Variants in FRS3 observed in about 807,000 individuals in gnomAD.
The protein encoded by FRS3 is FGFR substrate 3.
A neutral mutation model predicts 41.9 loss-of-function variants in FRS3; 17 were observed. That is an observed-to-expected ratio of 0.41 (90% CI 0.28 to 0.61). FRS3 has a LOEUF of 0.61. FRS3 is among the 20% of genes least tolerant of loss of function. The probability of loss-of-function intolerance (pLI) is 0.36; values close to 1 mark genes in which losing one functional copy is unlikely to be tolerated. For missense variants in FRS3, 619 were observed against 672.1 expected, an observed-to-expected ratio of 0.92 and a Z score of 0.87; for synonymous variants, 287 against 274.5, an observed-to-expected ratio of 1.05 and a Z score of -0.45.
chr6:41,770,774 G>C lies in FRS3; in HGVS notation c.1324C>G (p.Pro442Ala). Residue 442 changes from proline (P) to alanine (A), a missense_variant, in exon 7 of 7, where the codon CCC becomes GCC. Pro to Ala is a conservative substitution (Grantham distance 27). This residue lies in a region of FRS3 where 487 missense variants were observed against 478.3 expected (regional missense o/e 1.02). Coordinates refer to ENST00000373018, the MANE Select transcript of FRS3 (RefSeq NM_006653.5). ...GPQNPSSPQAPMPTTHPARSS... is the reference protein window; with the variant it reads ...GPQNPSSPQAAMPTTHPARSS... ...CGGGCAGGGTGGGTGGTGGGCATGG[G>C]GGCTTGGGGGCTCGAGGGGTTCTGG... The C allele has an allele frequency of 6.2e-7, 1 of 1,612,966 alleles. No individual in the cohort carries two copies. Among genetic ancestry groups the C allele is most frequent in the Non-Finnish European group, 8.5e-7 (1 of 1,179,672 alleles).
Position 41,770,784 on chromosome 6 carries a change from G to C in FRS3, c.1314C>G (p.Ser438Arg). 1 of 1,611,616 alleles carries C rather than the reference G, an allele frequency of 6.2e-7. No individual in the cohort carries two copies. The highest frequency in any genetic ancestry group is 1.3e-5 in the African/African-American group (1 of 74,942). ...GGGTGGTGGGCATGGGGGCTTGGGG[G>C]CTCGAGGGGTTCTGGGGCCCCTTAG... ...DRPKGPQNPS[S>R]PQAPMPTTHP... The change falls in exon 7 of 7, where the codon AGC becomes AGG. Residue 438 changes from serine (S) to arginine (R), a missense_variant. By Grantham distance (110) the Ser-to-Arg change is moderately radical. Transcript: ENST00000373018.
At chr6:41,772,428 T>C (rs1202523691) in intron 5 of FRS3, among the ~76,000 whole-genome samples, 1 of 152,178 alleles carries the variant, frequency 6.6e-6, no homozygotes, top group African/African-American at 2.4e-5. Context: ...CTCTCCAGAA[T>C]ACGGTCATGG....
intron 4 of FRS3, among the ~76,000 whole-genome samples, chr6:41,774,278 TCCC>T (rs1772367389): frequency 6.6e-6 from 1 of 151,718 alleles, no homozygotes; most frequent in African/African-American, 2.4e-5. Flanking sequence ...CTCACATGCT[TCCC>T]CCATCTTCCT....
chr6:41,777,309 G>A (rs1284592504), intron 2 of FRS3, among the ~76,000 whole-genome samples: 1 of 152,212 alleles, frequency 6.6e-6, no homozygotes, highest in African/African-American at 2.4e-5. Flanking sequence ...CCCATGTAAT[G>A]ACAAGGAAGG....
In FRS3 at chr6:41,771,980, A is replaced by G; in HGVS notation, c.416-16T>C. 6.6e-7 allele frequency: 1 copy of G among 1,526,400 alleles called. No individual in the cohort carries two copies. The highest frequency in any genetic ancestry group is 8.8e-7 in the Non-Finnish European group (1 of 1,131,512). The allele number at this position is 1,526,400 out of a possible 1,614,324, so 94.6% of individuals were successfully genotyped here. On this transcript the variant is annotated splice_polypyrimidine_tract_variant and intron_variant, in intron 5 of 6. Coordinates refer to ENST00000373018, the MANE Select transcript of FRS3 (RefSeq NM_006653.5). ...TAGCCTAGAGCTGAGCACACGGGAGACAAGCCCAGGAGAGGGGAACTTAAG... is the reference window on the plus strand; with the variant it reads ...TAGCCTAGAGCTGAGCACACGGGAGGCAAGCCCAGGAGAGGGGAACTTAAG...
chr6:41,772,779 T>TGTGTGTG lies in FRS3; in HGVS notation c.415+18_415+19insCACACAC. The TGTGTGTG allele has an allele frequency of 1.3e-6, 2 of 1,581,864 alleles. No homozygotes were observed. The highest frequency in any genetic ancestry group is 1.4e-5 in the African/African-American group (1 of 73,620). On this transcript the variant is annotated intron_variant, in intron 5 of 6. Coordinates refer to ENST00000373018, the MANE Select transcript of FRS3 (RefSeq NM_006653.5). ...GTGTGTGTGTGTGTGTGTGTGTGTGTACACTGGGGTCTCCTCACCATTGGG... is the reference window on the plus strand; with the variant it reads ...GTGTGTGTGTGTGTGTGTGTGTGTGTGTGTGTGACACTGGGGTCTCCTCACCATTGGG...
At chr6:41,776,253 T>A (rs1169270212) in intron 3 of FRS3, among the ~76,000 whole-genome samples, 1 of 152,208 alleles carries the variant, frequency 6.6e-6, no homozygotes, top group Non-Finnish European at 1.5e-5. Flanking sequence ...CTAAGCACTA[T>A]TTAATTTATT....
At chr6:41,776,117 C>A (rs919775334) in intron 3 of FRS3, among the ~76,000 whole-genome samples, 1 of 152,158 alleles carries the variant, frequency 6.6e-6, no homozygotes, top group Non-Finnish European at 1.5e-5. Context: ...CTTCAACATG[C>A]CCCAGAATGA....
chr6:41,771,199 C>T lies in FRS3; in HGVS notation c.899G>A (p.Trp300Ter). 2.6e-6 allele frequency: 4 copies of T among 1,560,804 alleles called. No homozygotes were observed. Among genetic ancestry groups the T allele is most frequent in the Non-Finnish European group, 3.5e-6 (4 of 1,149,968 alleles). Residue 300 changes from tryptophan to a stop codon, truncating the protein, a stop_gained, in exon 7 of 7, where the codon TGG (tryptophan) becomes TAG (stop). Coordinates refer to ENST00000373018, the MANE Select transcript of FRS3 (RefSeq NM_006653.5). LOFTEE classifies it high-confidence loss of function. ...VTGGLWRGAGWRLSPEEPGWN... is the reference protein window; with the variant it reads ...VTGGLWRGAG ...GCCCGGCTCCTCTGGGCTCAGTCTC[C>T]AGCCAGCCCCTCGCCACAGCCCCCC...
chr6:41,777,148 G>T (rs796367429), intron 2 of FRS3, 138 bp from the exon 3 acceptor site: 21 of 635,164 alleles, frequency 3.3e-5, no homozygotes, highest in African/African-American at 2.2e-4. Context: ...CCCCCTCAAA[G>T]ACTTCACATT....
Position 41,778,118 on chromosome 6 carries a change from A to C in FRS3, c.-109T>G, listed in dbSNP as rs752664280. 1 of 152,664 alleles carries C rather than the reference A, an allele frequency of 6.6e-6. No homozygotes were observed. Among genetic ancestry groups the C allele is most frequent in the African/African-American group, 2.4e-5 (1 of 41,444 alleles). 9.5% of individuals were successfully genotyped at this position (152,664 alleles called of 1,614,324 possible). A position where few individuals can be genotyped will look rare whatever the true frequency, so the allele number is the denominator to read the frequency against. The stretch of plus-strand genomic sequence containing the variant: ...TTCCCCCCGTCCTTGGTGGGCTGTC[A>C]TGGCAAACAGTCTGCAGAGAAGTCA... On this transcript the variant is annotated 5_prime_UTR_variant, in exon 2 of 7. It removes an upstream start codon present in the reference 5' UTR. Transcript: ENST00000373018.
In FRS3 at chr6:41,771,872, G is replaced by A. The variant is rs113605542; in HGVS notation, c.508C>T (p.Arg170Trp). Residue 170 changes from arginine (R) to tryptophan (W), a missense_variant, in exon 6 of 7, where the codon CGG becomes TGG. Coordinates refer to ENST00000373018, the MANE Select transcript of FRS3 (RefSeq NM_006653.5). ...APRRLSTSSL[R>W]HPSLGEESTH... Reference sequence around the variant, plus strand: ...GACTCTTCCCCAAGCGAGGGGTGCCGCAGGCTGCTTGTCGAGAGCCGCCGG... The same window carrying A: ...GACTCTTCCCCAAGCGAGGGGTGCCACAGGCTGCTTGTCGAGAGCCGCCGG... The A allele has an allele frequency of 7.1e-6, 11 of 1,553,708 alleles. No individual in the cohort carries two copies. The highest frequency in any genetic ancestry group is 4.8e-5 in the East Asian group (2 of 41,278).
In FRS3 at chr6:41,771,290, T is replaced by A. The variant is rs1772285618; in HGVS notation, c.808A>T (p.Asn270Tyr). 3 of 1,613,060 alleles carry A rather than the reference T, an allele frequency of 1.9e-6. No homozygotes were observed. Among genetic ancestry groups the A allele is most frequent in the Non-Finnish European group, 2.5e-6 (3 of 1,179,390 alleles). Residue 270 changes from asparagine to tyrosine, a missense_variant, in exon 7 of 7, where the codon AAT (asparagine) becomes TAT (tyrosine). This residue lies in a region of FRS3 where 487 missense variants were observed against 478.3 expected (regional missense o/e 1.02). Transcript: ENST00000373018. ...TCAGAAGGGGCCTCATTGTTATTAT[T>A]GTGGTGTGGGGGGTCATGCAGGCTG... ...CPSLHDPPHH[N>Y]NNNEAPSECP...
rs1561889792 is a variant in FRS3 at position 41,770,970 on chromosome 6, G to A, written c.1128C>T (p.Thr376=). 1 of 1,613,004 alleles carries A rather than the reference G, an allele frequency of 6.2e-7. No individual in the cohort carries two copies. Among genetic ancestry groups the A allele is most frequent in the Non-Finnish European group, 8.5e-7 (1 of 1,179,930 alleles). ...DETPLQKPTS[T]RAAIRSHGSF... is the part of the protein sequence containing the mutation. ...TGCCGTGGCTGCGGATGGCGGCCCG[G>A]GTGCTGGTGGGCTTCTGCAGTGGGG... Residue 376 remains threonine (T), a synonymous_variant, in exon 7 of 7, where the codon ACC becomes ACT. Coordinates refer to ENST00000373018, the MANE Select transcript of FRS3 (RefSeq NM_006653.5).
At chr6:41,771,759 C>T in intron 6 of FRS3, 57 bp downstream of exon 6, 1 of 1,525,794 alleles carries the variant, frequency 6.6e-7, no homozygotes, top group Non-Finnish European at 8.8e-7. Context: ...GCCTTATTTC[C>T]TATCCCTCGT....
At chr6:41,775,723 C>T (rs1772397646) in intron 3 of FRS3, 118 bp from the exon 4 acceptor site, 1 of 750,558 alleles carries the variant, frequency 1.3e-6, no homozygotes, top group Non-Finnish European at 2.3e-6. Context: ...AAGGTCACAT[C>T]CGACTATCAC....
In FRS3 at chr6:41,779,836, G is replaced by GCGCCGGGCCCCGCTCCCGGGTCC; in HGVS notation, c.-211_-189dup. On this transcript the variant is annotated 5_prime_UTR_variant, in exon 1 of 7. Coordinates refer to ENST00000373018, the MANE Select transcript of FRS3 (RefSeq NM_006653.5). Reference sequence around the variant, plus strand: ...CTCACATCGCCCCGCGGCCCGGGCGGCGCCGGGCCCCGCTCCCGGGTCCCG... The same window carrying GCGCCGGGCCCCGCTCCCGGGTCC: ...CTCACATCGCCCCGCGGCCCGGGCGGCGCCGGGCCCCGCTCCCGGGTCCCGCCGGGCCCCGCTCCCGGGTCCCG... The GCGCCGGGCCCCGCTCCCGGGTCC allele has an allele frequency of 6.9e-6, 1 of 145,852 alleles. No individual in the cohort carries two copies. Among genetic ancestry groups the GCGCCGGGCCCCGCTCCCGGGTCC allele is most frequent in the South Asian group, 2.1e-4 (1 of 4,826 alleles). The allele number at this position is 145,852 out of a possible 1,614,324, so 9.0% of individuals were successfully genotyped here.
At chr6:41,777,119 A>G (rs1772428883) in intron 2 of FRS3, 109 bp from the exon 3 acceptor site, 4 of 739,322 alleles carry the variant, frequency 5.4e-6, no homozygotes, top group African/African-American at 1.7e-5. Flanking sequence ...TCTGTCCAAG[A>G]GACTGTGTGA....
chr6:41,771,744 A>T, intron 6 of FRS3, 72 bp downstream of exon 6: 1 of 1,452,276 alleles, frequency 6.9e-7, no homozygotes, highest in Non-Finnish European at 9.3e-7. Context: ...TACTGGGAGG[A>T]GGTGGCCTTA....
Sources: gnomAD v4.1 joint callset for allele counts (sites outside exome capture counted in the v4.1 genomes callset) on GRCh38, gnomAD v4.1.1 for gene constraint, gnomAD v4.1.1 regional missense constraint, MANE v1.5 for transcripts, NCBI Gene and HGNC (gene_info 2026-07-23, HGNC 2026-07-21) for gene names.